The following NUP37 variants were observed in gnomAD, a reference collection of about 807,000 sequenced individuals.
NUP37 encodes nucleoporin 37, also known as nucleoporin Nup37.
Under a neutral mutation model 45.4 loss-of-function variants are expected in NUP37, and 33 were observed. The ratio of observed to expected loss-of-function variants is 0.73; its 90% CI spans 0.55 to 0.97. The LOEUF (loss-of-function observed/expected upper bound fraction) is 0.97, where lower values mean the gene tolerates loss of function less well. Ranked by LOEUF, NUP37 falls within the 50% of genes least tolerant of loss-of-function variation. The pLI is 0.00. For missense variants in NUP37, 365 were observed against 389.7 expected, an observed-to-expected ratio of 0.94 and a Z score of 0.53; for synonymous variants, 127 against 130.7, an observed-to-expected ratio of 0.97 and a Z score of 0.19.
intron 3 of NUP37, 131 bp from the exon 4 acceptor site, chr12:102,101,235 G>A: frequency 3.9e-6 from 2 of 509,536 alleles, no homozygotes; most frequent in Non-Finnish European, 7.1e-6. Context: ...TTTATGGAGG[G>A]GGAAAGAAGA....
intron 4 of NUP37, 40 bp from the exon 5 acceptor site, chr12:102,099,240 A>G: frequency 7.4e-7 from 1 of 1,346,142 alleles, no homozygotes; most frequent in Non-Finnish European, 1.1e-6. Flanking sequence ...AAGAAAACAG[A>G]AAAATAACCT....
chr12:102,095,850 G>A (rs555178360), intron 5 of NUP37, among the ~76,000 whole-genome samples: 85 of 152,022 alleles, frequency 5.6e-4, no homozygotes, highest in African/African-American at 2.0e-3. Flanking sequence ...TCTGCTCAGC[G>A]CTATGACACT....
At chr12:102,082,419 C>T (rs772713016) in intron 6 of NUP37, among the ~76,000 whole-genome samples, 16 of 152,162 alleles carry the variant, frequency 1.1e-4, no homozygotes, top group Non-Finnish European at 1.9e-4. Flanking sequence ...TGACTGAAAA[C>T]GTATGGCAGA....
intron 3 of NUP37, among the ~76,000 whole-genome samples, chr12:102,111,021 T>G (rs1406692365): frequency 1.3e-5 from 2 of 152,194 alleles, no homozygotes; most frequent in Non-Finnish European, 2.9e-5. Context: ...CAAAGCAGTA[T>G]TCAGCAAAAA....
At position 102,118,378 on chromosome 12, in the gene NUP37, G is replaced by A; in HGVS notation, c.141C>T (p.Gly47=). 1.9e-6 allele frequency: 3 copies of A among 1,613,308 alleles called. No homozygotes were observed. Among genetic ancestry groups the A allele is most frequent in the Non-Finnish European group, 2.5e-6 (3 of 1,179,726 alleles). The change falls in exon 2 of 10, where the codon GGC becomes GGT. Residue 47 remains glycine, a synonymous_variant. Transcript: ENST00000552283. ...GTAGACTAACCTGAAACGTACACGT[G>A]CCAATGACCACATAATTATTGCCAC... ...AYGGNNYVVI[G]TCTFQEEEAD...
rs1342300476 is a variant in NUP37 at position 102,101,056 on chromosome 12, A to C, written c.330T>G (p.Asp110Glu). Residue 110 changes from aspartate (D) to glutamate (E), a missense_variant, in exon 4 of 10, where the codon GAT becomes GAG. Physicochemically the swap from Asp to Glu is conservative, Grantham distance 45. Transcript: ENST00000552283. ...CCTTATATTCATTTTTATCCTGAAG[A>C]TCTGAAGTAAATAATCTAATTTTCA... Reference protein sequence around the residue: ...ADMKIRLFTSDLQDKNEYKVL... With the variant: ...ADMKIRLFTSELQDKNEYKVL... 9 of 1,560,806 alleles carry C rather than the reference A, an allele frequency of 5.8e-6. No individual in the cohort carries two copies. Among genetic ancestry groups the C allele is most frequent in the Non-Finnish European group, 7.8e-6 (9 of 1,147,794 alleles).
At chr12:102,109,978 C>T (rs147225296) in intron 3 of NUP37, among the ~76,000 whole-genome samples, 1 of 152,256 alleles carries the variant, frequency 6.6e-6, no homozygotes, top group Non-Finnish European at 1.5e-5. Flanking sequence ...AACAGCACAC[C>T]AGCTGTTGGC....
At position 102,073,182 on chromosome 12, in the gene NUP37, G is replaced by T. The variant is rs1437428236; in HGVS notation, c.*1172C>A. ...CTATCTGTACTTTACAAGAGGAAAT[G>T]AAGCTTCAAAAAGGGCATTAACTTG... is the stretch of plus-strand genomic sequence containing the variant. On this transcript the variant is annotated 3_prime_UTR_variant, in exon 10 of 10. Coordinates refer to ENST00000552283, the MANE Select transcript of NUP37 (RefSeq NM_024057.4). 6.6e-6 allele frequency: 1 copy of T among 152,188 alleles called. No individual in the cohort carries two copies. The highest frequency in any genetic ancestry group is 1.5e-5 in the Non-Finnish European group (1 of 68,028). 9.4% of individuals were successfully genotyped at this position (152,188 alleles called of 1,614,324 possible).
intron 1 of NUP37, 59 bp from the exon 2 acceptor site, chr12:102,118,642 G>A (rs1310423209): frequency 2.6e-6 from 2 of 782,158 alleles, no homozygotes; most frequent in African/African-American, 1.8e-5. Context: ...TTCAGCAAAT[G>A]CATCAAAATA....
At chr12:102,113,617 A>G (rs1452909876) in intron 2 of NUP37, among the ~76,000 whole-genome samples, 1 of 152,216 alleles carries the variant, frequency 6.6e-6, no homozygotes, top group Non-Finnish European at 1.5e-5. Context: ...TTGAGACTAA[A>G]GAAGGCCAAA....
At chr12:102,095,963 T>C (rs1217936854) in intron 5 of NUP37, among the ~76,000 whole-genome samples, 1 of 152,128 alleles carries the variant, frequency 6.6e-6, no homozygotes, top group Non-Finnish European at 1.5e-5. Context: ...ATTTTCATGT[T>C]ATCTTATTTT....
intron 6 of NUP37, chr12:102,079,315 A>G (rs1879269025): frequency 2.2e-6 from 1 of 445,470 alleles, no homozygotes; most frequent in Non-Finnish European, 4.5e-6. Context: ...TCCTAAACAC[A>G]TAAAACATCA....
At chr12:102,106,211 T>C (rs1461060444) in intron 3 of NUP37, among the ~76,000 whole-genome samples, 1 of 152,224 alleles carries the variant, frequency 6.6e-6, no homozygotes, top group Non-Finnish European at 1.5e-5. Context: ...ATTTTGAATA[T>C]GTGCCTCCAA....
At chr12:102,105,075 GTCTT>G (rs758660673) in intron 3 of NUP37, among the ~76,000 whole-genome samples, 5 of 152,206 alleles carry the variant, frequency 3.3e-5, no homozygotes, top group South Asian at 2.1e-4. Flanking sequence ...AACACAGGCT[GTCTT>G]TCTATTTATT....
At chr12:102,105,721 C>G (rs923729537) in intron 3 of NUP37, among the ~76,000 whole-genome samples, 1 of 151,686 alleles carries the variant, frequency 6.6e-6, no homozygotes, top group Non-Finnish European at 1.5e-5. Context: ...ATTAGCTGGG[C>G]ATGGTGATGT....
chr12:102,114,763 A>G (rs1036444741), intron 2 of NUP37, among the ~76,000 whole-genome samples: 1 of 149,992 alleles, frequency 6.7e-6, no homozygotes, highest in Non-Finnish European at 1.5e-5. Context: ...TCTGAAAAAA[A>G]GAGTTTACAC....
intron 3 of NUP37, among the ~76,000 whole-genome samples, chr12:102,109,344 A>T (rs1880248376): frequency 6.6e-6 from 1 of 152,316 alleles, no homozygotes; most frequent in Non-Finnish European, 1.5e-5. Context: ...GATAAGAGAG[A>T]TGCTGAGTTA....
At chr12:102,114,923 C>A (rs913969088) in intron 2 of NUP37, among the ~76,000 whole-genome samples, 1 of 152,126 alleles carries the variant, frequency 6.6e-6, no homozygotes, top group African/African-American at 2.4e-5. Flanking sequence ...TTCCACGTTC[C>A]ATCTCTGGAA....
chr12:102,088,566 T>G (rs1879536682), intron 5 of NUP37, among the ~76,000 whole-genome samples: 1 of 152,192 alleles, frequency 6.6e-6, no homozygotes, highest in South Asian at 2.1e-4. Context: ...TGCCTATTTT[T>G]GAACATCATA....
Sources: gnomAD v4.1 joint callset for allele counts (sites outside exome capture counted in the v4.1 genomes callset) on GRCh38, gnomAD v4.1.1 for gene constraint, MANE v1.5 for transcripts, NCBI Gene and HGNC (gene_info 2026-07-23, HGNC 2026-07-21) for gene names.